KCNQ5: variants seen among roughly 807,000 people sequenced by gnomAD.
KCNQ5 encodes the protein potassium voltage-gated channel subfamily Q member 5.
A neutral mutation model predicts 98.2 loss-of-function variants in KCNQ5; 30 were observed. The observed-to-expected ratio is 0.31, with a 90% CI of 0.23 to 0.41. The LOEUF (loss-of-function observed/expected upper bound fraction) is 0.41. Among genes scored for constraint, KCNQ5 ranks in the 10% least tolerant of loss-of-function variants. The pLI is 1.00. For synonymous variants in KCNQ5, 458 were observed against 449.4 expected (o/e 1.02, Z -0.24); for missense variants, 835 against 1,182.5 (o/e 0.71, Z 4.31).
At position 73,193,020 on chromosome 6, in the gene KCNQ5, T is replaced by A. The variant is rs1395362311; in HGVS notation, c.1836+329T>A. On this transcript the variant is annotated intron_variant, in intron 13 of 13. Coordinates refer to ENST00000370398, the MANE Select transcript of KCNQ5 (RefSeq NM_019842.4). Reference sequence around the variant, plus strand: ...TATTGTTTCTTTTTTAGGTCATTAATTTTTTTTTTTTTTTTTTTGAGACAG... The same window carrying A: ...TATTGTTTCTTTTTTAGGTCATTAAATTTTTTTTTTTTTTTTTTGAGACAG... Among the ~76,000 whole-genome samples, 6 of 70,706 alleles carry A rather than the reference T, an allele frequency of 8.5e-5. No homozygotes were observed. The East Asian group carries it at 1.9e-3, about 23-fold the overall frequency. 46.4% of individuals were successfully genotyped at this position (70,706 alleles called of 152,430 possible).
At chr6:73,126,202 A>G (rs995783253) in intron 9 of KCNQ5, among the ~76,000 whole-genome samples, 1 of 152,220 alleles carries the variant, frequency 6.6e-6, no homozygotes, top group Non-Finnish European at 1.5e-5. Flanking sequence ...CTCCAAATCC[A>G]AAGGACAGAG....
rs73756513 is a variant in KCNQ5 at position 72,766,153 on chromosome 6, A to G, written c.398+143566A>G. On this transcript the variant is annotated intron_variant, in intron 1 of 13. Coordinates refer to ENST00000370398, the MANE Select transcript of KCNQ5 (RefSeq NM_019842.4). Reference sequence around the variant, plus strand: ...ACCTAAATGAAGAGAGGGAGCAAGCATTGCAGTTGTCTGGGACAAAAGGGA... The same window carrying G: ...ACCTAAATGAAGAGAGGGAGCAAGCGTTGCAGTTGTCTGGGACAAAAGGGA... Among the ~76,000 whole-genome samples the G allele has an allele frequency of 3.5e-3, 529 of 152,138 alleles. 2 individuals are homozygous for G. The highest frequency in any genetic ancestry group is 0.014 in the Middle Eastern group (4 of 294).
At chr6:73,066,670 A>T (rs547794454) in intron 3 of KCNQ5, among the ~76,000 whole-genome samples, 1 of 152,354 alleles carries the variant, frequency 6.6e-6, no homozygotes, top group South Asian at 2.1e-4. Context: ...GAGACTTGCC[A>T]GTTCAATCCA....
chr6:73,063,878 T>C (rs1173000443), intron 3 of KCNQ5, among the ~76,000 whole-genome samples: 3 of 152,210 alleles, frequency 2.0e-5, no homozygotes, highest in Non-Finnish European at 4.4e-5. Context: ...TATCTTTTTA[T>C]TCTTCACAGG....
At chr6:72,986,621 C>T (rs1254930030) in intron 1 of KCNQ5, 16 of 682,684 alleles carry the variant, frequency 2.3e-5, no homozygotes, top group Admixed American at 1.8e-4. Flanking sequence ...CACCACGCTG[C>T]GTGCCAGACG....
chr6:72,651,775 G>C (rs892276323), intron 1 of KCNQ5, among the ~76,000 whole-genome samples: 5 of 151,988 alleles, frequency 3.3e-5, no homozygotes, highest in Non-Finnish European at 7.4e-5. Flanking sequence ...ACTAATGGAG[G>C]AAAATAGAAT....
intron 1 of KCNQ5, among the ~76,000 whole-genome samples, chr6:72,771,833 T>C (rs1298994037): frequency 6.6e-6 from 1 of 152,024 alleles, no homozygotes; most frequent in Non-Finnish European, 1.5e-5. Flanking sequence ...CTCTTGTGAG[T>C]TGAAAAGCTA....
At chr6:72,936,858 T>C (rs998407878) in intron 1 of KCNQ5, among the ~76,000 whole-genome samples, 1 of 152,342 alleles carries the variant, frequency 6.6e-6, no homozygotes, top group South Asian at 2.1e-4. Flanking sequence ...GACTTCCAGT[T>C]TTCAAATTCT....
intron 1 of KCNQ5, among the ~76,000 whole-genome samples, chr6:72,768,332 T>A (rs1050820250): frequency 6.6e-6 from 1 of 151,516 alleles, no homozygotes. Context: ...AGGAGGGAAG[T>A]CGAACTGGAA....
At chr6:72,959,073 G>A (rs117576911) in intron 1 of KCNQ5, among the ~76,000 whole-genome samples, 1,551 of 152,210 alleles carry the variant, frequency 0.01, 16 homozygotes, top group Non-Finnish European at 0.016. Context: ...TTTCCCTCTC[G>A]AAAATATGAA....
chr6:72,808,478 A>C (rs1442835110), intron 1 of KCNQ5, among the ~76,000 whole-genome samples: 1 of 152,110 alleles, frequency 6.6e-6, no homozygotes, highest in Non-Finnish European at 1.5e-5. Context: ...AAAACCCATC[A>C]TGTTTTTATT....
At chr6:72,974,378 C>T (rs1440004106) in intron 1 of KCNQ5, among the ~76,000 whole-genome samples, 1 of 139,068 alleles carries the variant, frequency 7.2e-6, no homozygotes, top group African/African-American at 3.0e-5. Flanking sequence ...ATGGCAATAA[C>T]TAGTGGCAAA....
chr6:72,719,367 C>A (rs1769827817), intron 1 of KCNQ5, among the ~76,000 whole-genome samples: 1 of 152,202 alleles, frequency 6.6e-6, no homozygotes, highest in Admixed American at 6.5e-5. Context: ...AAGCCCCTCT[C>A]TCATGGGTTT....
chr6:72,867,033 T>C (rs988148662), intron 1 of KCNQ5, among the ~76,000 whole-genome samples: 1 of 152,196 alleles, frequency 6.6e-6, no homozygotes, highest in African/African-American at 2.4e-5. Flanking sequence ...TAGGCATATA[T>C]TGGATATTTG....
chr6:72,693,268 T>G (rs1481620950), intron 1 of KCNQ5, among the ~76,000 whole-genome samples: 1 of 151,926 alleles, frequency 6.6e-6, no homozygotes, highest in African/African-American at 2.4e-5. Flanking sequence ...GGAAGGAGTG[T>G]TTAGAGAGTT....
chr6:72,856,799 C>T (rs1453928078), intron 1 of KCNQ5, among the ~76,000 whole-genome samples: 1 of 152,124 alleles, frequency 6.6e-6, no homozygotes, highest in East Asian at 1.9e-4. Context: ...TGGAGGTCCC[C>T]ATGTCCAGCA....
chr6:73,069,114 T>C (rs6453625), intron 3 of KCNQ5, among the ~76,000 whole-genome samples: 147,733 of 152,244 alleles, frequency 0.97, 71,821 homozygotes, highest in Middle Eastern at 1. Context: ...AAGAACTTTT[T>C]TATATATTAA....
At chr6:72,938,838 G>A (rs1766082199) in intron 1 of KCNQ5, among the ~76,000 whole-genome samples, 1 of 152,198 alleles carries the variant, frequency 6.6e-6, no homozygotes, top group South Asian at 2.1e-4. Flanking sequence ...CAGTATGCTA[G>A]AGAAATGTGG....
At chr6:73,097,822 T>A (rs934095248) in intron 5 of KCNQ5, among the ~76,000 whole-genome samples, 1 of 152,218 alleles carries the variant, frequency 6.6e-6, no homozygotes, top group Non-Finnish European at 1.5e-5. Flanking sequence ...GGGTACCCCT[T>A]AATGCAGAAA....
Sources: allele counts gnomAD v4.1 joint callset (sites outside exome capture counted in the v4.1 genomes callset), GRCh38; gene constraint gnomAD v4.1.1; transcripts MANE v1.5; gene names NCBI Gene and HGNC (gene_info 2026-07-23, HGNC 2026-07-21).